TRHDE: variants seen among roughly 807,000 people sequenced by gnomAD.
The protein encoded by TRHDE is thyrotropin-releasing hormone-degrading ectoenzyme.
TRHDE carries 72 observed loss-of-function variants against 125.7 expected under a neutral mutation model. That is an observed-to-expected ratio of 0.57 (90% CI 0.47 to 0.70). The LOEUF (loss-of-function observed/expected upper bound fraction) is 0.70. Ranked by LOEUF, TRHDE falls within the 30% of genes least tolerant of loss-of-function variation. TRHDE has a pLI of 0.00. For synonymous variants in TRHDE, 509 were observed against 509.1 expected, an observed-to-expected ratio of 1.00 and a Z score of 0.00; for missense variants, 1,110 against 1,327.1, an observed-to-expected ratio of 0.84 and a Z score of 2.54.
intron 1 of TRHDE, among the ~76,000 whole-genome samples, chr12:72,103,255 A>AAGCT (rs1875109454): frequency 6.6e-6 from 1 of 152,226 alleles, no homozygotes; most frequent in Non-Finnish European, 1.5e-5. Context: ...ATCCTTTGCC[A>AAGCT]AGCTAGCTAT....
intron 2 of TRHDE, among the ~76,000 whole-genome samples, chr12:72,239,833 C>T (rs1193797554): frequency 6.6e-6 from 1 of 152,198 alleles, no homozygotes; most frequent in Non-Finnish European, 1.5e-5. Flanking sequence ...TCTGAGGACA[C>T]AGCATCCATT....
chr12:72,621,632 G>A lies in TRHDE; in HGVS notation c.2568-12G>A. 1 of 1,578,846 alleles carries A rather than the reference G, an allele frequency of 6.3e-7. No homozygotes were observed. ...TTTCTTTTTAATTTGTTTCCCTTTTGATGATATCTAGAGAACTACGTAGAG... is the reference window on the plus strand; with the variant it reads ...TTTCTTTTTAATTTGTTTCCCTTTTAATGATATCTAGAGAACTACGTAGAG... On this transcript the variant is annotated splice_polypyrimidine_tract_variant and intron_variant, in intron 14 of 18. Coordinates refer to ENST00000261180, the MANE Select transcript of TRHDE (RefSeq NM_013381.3).
At chr12:72,290,210 A>T (rs10879394) in intron 2 of TRHDE, among the ~76,000 whole-genome samples, 1 of 151,964 alleles carries the variant, frequency 6.6e-6, no homozygotes, top group Non-Finnish European at 1.5e-5. Flanking sequence ...CTGTGTGCAT[A>T]TAATTCTTTG....
At chr12:72,436,427 C>T (rs181580989) in intron 3 of TRHDE, among the ~76,000 whole-genome samples, 12 of 151,892 alleles carry the variant, frequency 7.9e-5, no homozygotes, top group African/African-American at 2.4e-4. Flanking sequence ...TATCATAATA[C>T]GAACCTATTA....
At chr12:72,445,306 ATAC>A (rs1481995542) in intron 3 of TRHDE, among the ~76,000 whole-genome samples, 1 of 151,866 alleles carries the variant, frequency 6.6e-6, no homozygotes, top group African/African-American at 2.4e-5. Context: ...GTCATGTATA[ATAC>A]TACTATTTTT....
intron 2 of TRHDE, among the ~76,000 whole-genome samples, chr12:72,174,518 G>A (rs999454848): frequency 1.3e-5 from 2 of 151,994 alleles, no homozygotes; most frequent in Non-Finnish European, 2.9e-5. Context: ...TTCCAATCCA[G>A]ATTTATGCTC....
intron 6 of TRHDE, among the ~76,000 whole-genome samples, chr12:72,522,038 G>A (rs531415515): frequency 7.9e-5 from 12 of 152,194 alleles, no homozygotes; most frequent in South Asian, 2.1e-4. Context: ...TGTTTTTTAC[G>A]TATATTAAGT....
At chr12:72,527,007 A>G (rs1868348313) in intron 6 of TRHDE, among the ~76,000 whole-genome samples, 1 of 152,188 alleles carries the variant, frequency 6.6e-6, no homozygotes, top group Non-Finnish European at 1.5e-5. Flanking sequence ...GGTTGTTTCT[A>G]GAAAACAGAA....
intron 3 of TRHDE, among the ~76,000 whole-genome samples, chr12:72,405,234 G>A (rs1873215655): frequency 6.6e-6 from 1 of 152,162 alleles, no homozygotes; most frequent in Non-Finnish European, 1.5e-5. Flanking sequence ...TTGGCTGTGG[G>A]TGAGGGAACA....
chr12:72,104,947 T>G (rs1319699540), intron 1 of TRHDE, among the ~76,000 whole-genome samples: 1 of 152,162 alleles, frequency 6.6e-6, no homozygotes, highest in Non-Finnish European at 1.5e-5. Flanking sequence ...TGCTAGCTTT[T>G]CCATAGAGTT....
chr12:72,183,482 A>G (rs1382208388), intron 2 of TRHDE, among the ~76,000 whole-genome samples: 1 of 152,226 alleles, frequency 6.6e-6, no homozygotes, highest in Non-Finnish European at 1.5e-5. Context: ...CATTTGTCAT[A>G]GTTCTAACGT....
chr12:72,610,717 A>C (rs1311095769), intron 12 of TRHDE: 1 of 152,226 alleles, frequency 6.6e-6, no homozygotes, highest in Non-Finnish European at 1.5e-5. Flanking sequence ...GAACATCACC[A>C]TGGTGCAGGG....
At chr12:72,395,227 A>C (rs1872743968) in intron 3 of TRHDE, among the ~76,000 whole-genome samples, 1 of 151,990 alleles carries the variant, frequency 6.6e-6, no homozygotes, top group Admixed American at 6.6e-5. Context: ...TTACTGATGA[A>C]CCTGAAACAC....
In TRHDE at chr12:72,273,579, C is replaced by G. The variant is rs1360726551; in HGVS notation, c.914+22C>G. The G allele has an allele frequency of 1.3e-6, 2 of 1,559,244 alleles. No homozygotes were observed. Among genetic ancestry groups the G allele is most frequent in the Non-Finnish European group, 1.7e-6 (2 of 1,153,444 alleles). The stretch of plus-strand genomic sequence containing the variant: ...GAAGGTATGGAGGGAGGCGGTGCCC[C>G]GCGCTGCCCCACCCCGGCGCGCGGC... On this transcript the variant is annotated intron_variant, in intron 1 of 18. Transcript: ENST00000261180. The surrounding 1 kb of genome is among the most constrained non-coding windows in gnomAD (Gnocchi z 5.3).
intron 2 of TRHDE, among the ~76,000 whole-genome samples, chr12:72,333,853 C>G (rs752104055): frequency 6.6e-6 from 1 of 152,164 alleles, no homozygotes; most frequent in African/African-American, 2.4e-5. Context: ...ATTCAAGAAA[C>G]ATAGTTTTTT....
chr12:72,104,282 C>A (rs1457525255), intron 1 of TRHDE, among the ~76,000 whole-genome samples: 1 of 152,150 alleles, frequency 6.6e-6, no homozygotes, highest in Admixed American at 6.6e-5. Context: ...CTATGTGGTC[C>A]TTCCATGTGA....
intron 6 of TRHDE, among the ~76,000 whole-genome samples, chr12:72,521,154 C>T (rs1879175988): frequency 6.6e-6 from 1 of 152,168 alleles, no homozygotes; most frequent in African/African-American, 2.4e-5. Context: ...AATAATTTTT[C>T]CTTTCATCTG....
chr12:72,473,281 G>A (rs1384342730), intron 5 of TRHDE, 101 bp downstream of exon 5: 2 of 782,554 alleles, frequency 2.6e-6, no homozygotes, highest in African/African-American at 3.5e-5. Context: ...ACCAACTGAT[G>A]CATGAAAATG....
chr12:72,441,071 T>C (rs977385611), intron 3 of TRHDE, among the ~76,000 whole-genome samples: 13 of 151,864 alleles, frequency 8.6e-5, no homozygotes, highest in African/African-American at 3.1e-4. Context: ...ACTGTTATAC[T>C]CAGTTCCATG....
Sources: gnomAD v4.1 joint callset for allele counts (sites outside exome capture counted in the v4.1 genomes callset) on GRCh38, gnomAD v4.1.1 for gene constraint, Gnocchi (gnomAD v3.1) non-coding constraint, MANE v1.5 for transcripts, NCBI Gene and HGNC (gene_info 2026-07-23, HGNC 2026-07-21) for gene names.